The following PARVA variants were observed in gnomAD, a reference collection of about 807,000 sequenced individuals.
PARVA encodes alpha-parvin.
Under a neutral mutation model 52.6 loss-of-function variants are expected in PARVA, and 25 were observed. The ratio of observed to expected loss-of-function variants is 0.48; its 90% CI spans 0.35 to 0.66. PARVA has a LOEUF of 0.66. Ranked by LOEUF, PARVA falls within the 30% of genes least tolerant of loss-of-function variation. The pLI, the probability that PARVA is intolerant of heterozygous loss-of-function variation, is 0.01. For synonymous variants in PARVA, 185 were observed against 179.1 expected (o/e 1.03, Z -0.26); for missense variants, 373 against 450.9 (o/e 0.83, Z 1.56).
intron 1 of PARVA, among the ~76,000 whole-genome samples, chr11:12,473,426 CAGAA>C (rs1313575891): frequency 6.6e-6 from 1 of 152,172 alleles, no homozygotes; most frequent in African/African-American, 2.4e-5. Flanking sequence ...GGTAGAGACT[CAGAA>C]AGAAGTCAGT....
At chr11:12,387,711 C>G (rs963051979) in intron 1 of PARVA, among the ~76,000 whole-genome samples, 2 of 150,232 alleles carry the variant, frequency 1.3e-5, no homozygotes, top group Non-Finnish European at 3.0e-5. Context: ...GCACTGATTT[C>G]CCAGTGGCAG....
At chr11:12,497,201 TC>T (rs1941309595) in intron 5 of PARVA, among the ~76,000 whole-genome samples, 1 of 152,260 alleles carries the variant, frequency 6.6e-6, no homozygotes, top group South Asian at 2.1e-4. Flanking sequence ...CATTTACTGC[TC>T]CAAAGGCCCG....
intron 1 of PARVA, among the ~76,000 whole-genome samples, chr11:12,428,690 G>A (rs952251): frequency 0.43 from 64,933 of 152,102 alleles, 14,617 homozygotes; most frequent in African/African-American, 0.57. Flanking sequence ...TGCAGAGGTC[G>A]AGATGGTAAG....
chr11:12,458,038 GTGGCA>G (rs778634964), intron 1 of PARVA, among the ~76,000 whole-genome samples: 8 of 152,184 alleles, frequency 5.3e-5, no homozygotes, highest in Non-Finnish European at 8.8e-5. Context: ...AGAATAGTGT[GTGGCA>G]TACAGTAGGT....
upstream of PARVA, chr11:12,377,551 G>C: frequency 6.8e-7 from 1 of 1,480,920 alleles, no homozygotes; most frequent in Non-Finnish European, 9.0e-7. Flanking sequence ...TTCCGCTTCC[G>C]TTTGGAAAGC....
chr11:12,492,990 T>A (rs957891922), intron 4 of PARVA, among the ~76,000 whole-genome samples: 4 of 152,202 alleles, frequency 2.6e-5, no homozygotes. Context: ...TGAAAAGACT[T>A]ATGATATATA....
intron 5 of PARVA, among the ~76,000 whole-genome samples, chr11:12,503,403 C>T (rs918964964): frequency 6.6e-6 from 1 of 152,104 alleles, no homozygotes; most frequent in Non-Finnish European, 1.5e-5. Flanking sequence ...AGCAGACATG[C>T]TTATGGTGAT....
chr11:12,430,339 C>G (rs1008746199), intron 1 of PARVA, among the ~76,000 whole-genome samples: 11 of 152,168 alleles, frequency 7.2e-5, no homozygotes, highest in Admixed American at 2.0e-4. Flanking sequence ...TTAATAATAA[C>G]TGTATTTAAC....
intron 1 of PARVA, among the ~76,000 whole-genome samples, chr11:12,415,794 G>T (rs1039737818): frequency 4.6e-5 from 7 of 152,198 alleles, no homozygotes; most frequent in African/African-American, 1.7e-4. Flanking sequence ...GAAAAAGAGA[G>T]AGAGAGAGAT....
At chr11:12,511,605 G>C (rs907047223) in intron 8 of PARVA, 72 bp downstream of exon 8, 12 of 1,509,840 alleles carry the variant, frequency 7.9e-6, no homozygotes, top group South Asian at 1.2e-5. Context: ...CAGCAGCTGG[G>C]AGGAACAGGC....
At chr11:12,487,687 G>C (rs1941177619) in intron 4 of PARVA, among the ~76,000 whole-genome samples, 1 of 152,088 alleles carries the variant, frequency 6.6e-6, no homozygotes, top group African/African-American at 2.4e-5. Context: ...AACTGAAAGA[G>C]TTATTTTCTC....
chr11:12,393,123 A>G (rs1006247491), intron 1 of PARVA, among the ~76,000 whole-genome samples: 1 of 151,974 alleles, frequency 6.6e-6, no homozygotes, highest in Non-Finnish European at 1.5e-5. Flanking sequence ...TGAAATGTAG[A>G]CATTCTTGAT....
chr11:12,377,698 C>A lies in PARVA; in HGVS notation c.51C>A (p.Pro17=), dbSNP rs755984411. The A allele has an allele frequency of 3.2e-6, 5 of 1,567,034 alleles. No homozygotes were observed. The highest frequency in any genetic ancestry group is 4.3e-6 in the Non-Finnish European group (5 of 1,161,422). ...CTTCTGTCCCCAAGTCTCCCACTCC[C>A]AAGTCGCCCCCGTCCCGCAAGAAAG... ...KSPSVPKSPT[P]KSPPSRKKDD... Residue 17 remains proline (P), a synonymous_variant, in exon 1 of 13, where the codon CCC becomes CCA. Transcript: ENST00000334956.
Position 12,504,301 on chromosome 11 carries a change from T to C in PARVA, c.542-13T>C, listed in dbSNP as rs1299920737. 1 of 1,507,620 alleles carries C rather than the reference T, an allele frequency of 6.6e-7. No individual in the cohort carries two copies. The highest frequency in any genetic ancestry group is 1.7e-5 in the Admixed American group (1 of 59,618). 93.4% of individuals were successfully genotyped at this position (1,507,620 alleles called of 1,614,324 possible). Reference sequence around the variant, plus strand: ...AGAAGATGCTGTAATTTTTCAATCTTCTTTCATTTCAGCTGTTCATGCCAA... The same window carrying C: ...AGAAGATGCTGTAATTTTTCAATCTCCTTTCATTTCAGCTGTTCATGCCAA... On this transcript the variant is annotated splice_polypyrimidine_tract_variant and intron_variant, in intron 5 of 12. Coordinates refer to ENST00000334956, the MANE Select transcript of PARVA (RefSeq NM_018222.5).
Position 12,529,218 on chromosome 11 carries a change from G to GTTACTCAAGGGCTTGTGGTTACT in PARVA, c.*1295_*1317dup, listed in dbSNP as rs1941742120. On this transcript the variant is annotated 3_prime_UTR_variant, in exon 13 of 13. Coordinates refer to ENST00000334956, the MANE Select transcript of PARVA (RefSeq NM_018222.5). Reference sequence around the variant, plus strand: ...AAAGCCAAGCAGTTTCTTTGCGTGGGTTACTCAAGGGCTTGTGGTTACTTG... The same window carrying GTTACTCAAGGGCTTGTGGTTACT: ...AAAGCCAAGCAGTTTCTTTGCGTGGGTTACTCAAGGGCTTGTGGTTACTTTACTCAAGGGCTTGTGGTTACTTG... The GTTACTCAAGGGCTTGTGGTTACT allele has an allele frequency of 6.6e-6, 1 of 152,196 alleles. No individual in the cohort carries two copies. The highest frequency in any genetic ancestry group is 1.5e-5 in the Non-Finnish European group (1 of 68,044). The allele number at this position is 152,196 out of a possible 1,614,324, so 9.4% of individuals were successfully genotyped here.
chr11:12,478,946 T>G (rs1941049762), intron 4 of PARVA: 1 of 152,260 alleles, frequency 6.6e-6, no homozygotes, highest in African/African-American at 2.4e-5. Flanking sequence ...TGGCACAACA[T>G]TCAAAGCATT....
intron 1 of PARVA, among the ~76,000 whole-genome samples, chr11:12,467,404 T>G (rs1297557047): frequency 6.6e-6 from 1 of 152,244 alleles, no homozygotes; most frequent in African/African-American, 2.4e-5. Context: ...ATTTCTAGTA[T>G]AATTTTGAAT....
chr11:12,474,540 C>G (rs1383208238), intron 3 of PARVA, among the ~76,000 whole-genome samples: 1 of 152,168 alleles, frequency 6.6e-6, no homozygotes, highest in Non-Finnish European at 1.5e-5. Context: ...TCAGCTTAAC[C>G]AAGCTGCACT....
chr11:12,515,390 T>A (rs1399578931), intron 10 of PARVA, among the ~76,000 whole-genome samples: 1 of 152,204 alleles, frequency 6.6e-6, no homozygotes, highest in Non-Finnish European at 1.5e-5. Context: ...CATGTACTCT[T>A]GTAGGAAATA....
Sources: gnomAD v4.1 joint callset for allele counts (sites outside exome capture counted in the v4.1 genomes callset) on GRCh38, gnomAD v4.1.1 for gene constraint, MANE v1.5 for transcripts, NCBI Gene and HGNC (gene_info 2026-07-23, HGNC 2026-07-21) for gene names.